The following MAGI1 variants were observed in gnomAD, a reference collection of about 807,000 sequenced individuals.
MAGI1 encodes membrane associated guanylate kinase, WW and PDZ domain containing 1.
Under a neutral mutation model 139.9 loss-of-function variants are expected in MAGI1, and 58 were observed. The observed-to-expected ratio is 0.41, with a 90% CI of 0.34 to 0.52. The LOEUF is 0.52. Among genes scored for constraint, MAGI1 ranks in the 20% least tolerant of loss-of-function variants. The pLI is 0.12. For synonymous variants in MAGI1, 812 were observed against 737.9 expected (o/e 1.10, Z -1.63); for missense variants, 1,874 against 1,901.6 (o/e 0.99, Z 0.27).
Position 65,994,356 on chromosome 3 carries a change from A to G in MAGI1, c.313+43640T>C, listed in dbSNP as rs182087069. ...GATGCAATGCTCTAGAACACAGCAAAGAGTGAGAGACTCAGTGCCCTTTTC... is the reference window on the plus strand; with the variant it reads ...GATGCAATGCTCTAGAACACAGCAAGGAGTGAGAGACTCAGTGCCCTTTTC... On this transcript the variant is annotated intron_variant, in intron 1 of 22. Transcript: ENST00000402939. Among the ~76,000 whole-genome samples the G allele has an allele frequency of 1.2e-4, 18 of 152,150 alleles. No individual in the cohort carries two copies. In the East Asian group the frequency reaches 2.7e-3, roughly 23 times the overall value.
intron 1 of MAGI1, among the ~76,000 whole-genome samples, chr3:65,664,813 G>C (rs976581047): frequency 6.6e-6 from 1 of 152,106 alleles, no homozygotes; most frequent in Non-Finnish European, 1.5e-5. Flanking sequence ...GCTTTTTACA[G>C]TCTATTTAGT....
At chr3:65,613,022 G>A (rs2083198200) in intron 2 of MAGI1, among the ~76,000 whole-genome samples, 1 of 152,138 alleles carries the variant, frequency 6.6e-6, no homozygotes, top group African/African-American at 2.4e-5. Context: ...TTATTAGGAG[G>A]AGACTCTTTT....
At chr3:65,782,907 TA>T (rs34035405) in intron 1 of MAGI1, among the ~76,000 whole-genome samples, 9,903 of 140,742 alleles carry the variant, frequency 0.07, 419 homozygotes, top group African/African-American at 0.12. Flanking sequence ...ATTAAACTCT[TA>T]AAAAAAAAAA....
chr3:65,642,996 G>A (rs2085065321), intron 1 of MAGI1, among the ~76,000 whole-genome samples: 1 of 152,158 alleles, frequency 6.6e-6, no homozygotes, highest in Non-Finnish European at 1.5e-5. Flanking sequence ...ATATGCCAGA[G>A]AACACGTTTG....
At chr3:65,745,867 T>G (rs1249010137) in intron 1 of MAGI1, among the ~76,000 whole-genome samples, 2 of 152,056 alleles carry the variant, frequency 1.3e-5, no homozygotes, top group Non-Finnish European at 2.9e-5. Context: ...TAGCTGGGAT[T>G]ACACGTGTGC....
At chr3:65,710,269 C>CTTTTTTTTTTTTT (rs1175790063) in intron 1 of MAGI1, among the ~76,000 whole-genome samples, 1 of 66,876 alleles carries the variant, frequency 1.5e-5, no homozygotes, top group African/African-American at 6.4e-5. Flanking sequence ...CCTTACATTT[C>CTTTTTTTTTTTTT]TTTTTTTTTT....
intron 1 of MAGI1, among the ~76,000 whole-genome samples, chr3:65,869,827 C>G (rs530331610): frequency 6.6e-6 from 1 of 152,288 alleles, no homozygotes; most frequent in South Asian, 2.1e-4. Flanking sequence ...GTCTCACATT[C>G]CTCACCTGCA....
At chr3:65,946,578 T>C (rs2063554370) in intron 1 of MAGI1, among the ~76,000 whole-genome samples, 2 of 152,018 alleles carry the variant, frequency 1.3e-5, no homozygotes, top group Admixed American at 6.6e-5. Context: ...AACCTATTTG[T>C]CTTGGCAATG....
At chr3:65,878,675 T>C (rs2060213272) in intron 1 of MAGI1, among the ~76,000 whole-genome samples, 1 of 152,130 alleles carries the variant, frequency 6.6e-6, no homozygotes. Context: ...AGTGACAAAA[T>C]GGATATGTTT....
chr3:65,763,050 G>T (rs2037164307), intron 1 of MAGI1, among the ~76,000 whole-genome samples: 2 of 152,086 alleles, frequency 1.3e-5, no homozygotes, highest in South Asian at 4.2e-4. Flanking sequence ...CATTCAAGGG[G>T]ATATCTGCAG....
intron 1 of MAGI1, among the ~76,000 whole-genome samples, chr3:65,787,740 GT>G (rs2039495385): frequency 6.6e-6 from 1 of 151,954 alleles, no homozygotes; most frequent in South Asian, 2.1e-4. Flanking sequence ...GCCTTGGGTG[GT>G]TAAAAATAAC....
chr3:65,440,743 T>C (rs1033922760), intron 8 of MAGI1, among the ~76,000 whole-genome samples: 2 of 151,910 alleles, frequency 1.3e-5, no homozygotes, highest in African/African-American at 4.8e-5. Context: ...GTGCTCAAAA[T>C]GACAAAGATC....
At chr3:65,739,793 GTA>G (rs1035228445) in intron 1 of MAGI1, among the ~76,000 whole-genome samples, 1 of 152,140 alleles carries the variant, frequency 6.6e-6, no homozygotes, top group African/African-American at 2.4e-5. Context: ...TCTTATATGG[GTA>G]TAGTTTGTGG....
chr3:65,432,733 A>G (rs1947556827), intron 10 of MAGI1, among the ~76,000 whole-genome samples: 1 of 152,158 alleles, frequency 6.6e-6, no homozygotes, highest in Non-Finnish European at 1.5e-5. Flanking sequence ...TCAGATGGAA[A>G]TTGAGGTGAG....
intron 1 of MAGI1, among the ~76,000 whole-genome samples, chr3:65,886,882 C>G (rs913996165): frequency 6.6e-6 from 1 of 152,160 alleles, no homozygotes; most frequent in African/African-American, 2.4e-5. Flanking sequence ...AGTATTGAAC[C>G]AGTAAACTAT....
intron 13 of MAGI1, among the ~76,000 whole-genome samples, chr3:65,399,417 T>C (rs1270163871): frequency 6.6e-6 from 1 of 152,160 alleles, no homozygotes; most frequent in Non-Finnish European, 1.5e-5. Flanking sequence ...AGCAGCACTT[T>C]ACATCCAACA....
chr3:65,665,726 C>T (rs1242442600), intron 1 of MAGI1, among the ~76,000 whole-genome samples: 3 of 152,084 alleles, frequency 2.0e-5, no homozygotes, highest in Admixed American at 1.3e-4. Flanking sequence ...GTATGTGGAT[C>T]ACTCTTGGAA....
intron 1 of MAGI1, among the ~76,000 whole-genome samples, chr3:65,654,006 C>A (rs957038350): frequency 6.6e-6 from 1 of 152,082 alleles, no homozygotes; most frequent in African/African-American, 2.4e-5. Flanking sequence ...CATATGTGAA[C>A]AGGAATATCT....
intron 1 of MAGI1, among the ~76,000 whole-genome samples, chr3:66,013,637 T>A (rs2067463106): frequency 6.6e-6 from 1 of 151,418 alleles, no homozygotes; most frequent in South Asian, 2.1e-4. Flanking sequence ...GGCGGGCACC[T>A]GTAGTCCCAG....
Sources: allele counts gnomAD v4.1 joint callset (sites outside exome capture counted in the v4.1 genomes callset), GRCh38; gene constraint gnomAD v4.1.1; transcripts MANE v1.5; gene names NCBI Gene and HGNC (gene_info 2026-07-23, HGNC 2026-07-21).